The following TBC1D8 variants were observed in gnomAD, a reference collection of about 807,000 sequenced individuals.
The protein encoded by TBC1D8 is BUB2-like protein 1.
In TBC1D8, 65 loss-of-function variants were observed where a neutral mutation model predicts 118.8. The observed-to-expected ratio is 0.55, with a 90% confidence interval of 0.45 to 0.67. The LOEUF is 0.67. Ranked by LOEUF, TBC1D8 falls within the 30% of genes least tolerant of loss-of-function variation. TBC1D8 has a pLI of 0.00. For synonymous variants in TBC1D8, 566 were observed against 595.8 expected, an observed-to-expected ratio of 0.95 and a Z score of 0.73; for missense variants, 1,376 against 1,471.2, an observed-to-expected ratio of 0.94 and a Z score of 1.06.
At chr2:101,090,029 G>A (rs1253765732) in intron 2 of TBC1D8, among the ~76,000 whole-genome samples, 180 bp downstream of exon 2, 1 of 150,342 alleles carries the variant, frequency 6.7e-6, no homozygotes, top group Non-Finnish European at 1.5e-5. Flanking sequence ...GAGGAGGGCA[G>A]GGGAGAGGAG....
intron 1 of TBC1D8, chr2:101,109,852 T>A (rs926524791): frequency 1.3e-5 from 13 of 985,464 alleles, no homozygotes; most frequent in Non-Finnish European, 1.6e-5. Flanking sequence ...TCCATCTACA[T>A]TCAGACTGAC....
At chr2:101,079,902 G>T (rs540808796) in intron 2 of TBC1D8, among the ~76,000 whole-genome samples, 3 of 151,824 alleles carry the variant, frequency 2.0e-5, no homozygotes, top group South Asian at 2.1e-4. Context: ...TAGCTAGGAC[G>T]GTCTCGATCT....
At chr2:101,108,291 A>G (rs1427475429) in intron 1 of TBC1D8, among the ~76,000 whole-genome samples, 2 of 152,190 alleles carry the variant, frequency 1.3e-5, no homozygotes, top group Non-Finnish European at 2.9e-5. Context: ...CAAAACAGGG[A>G]AAGTCTGAGA....
At chr2:101,016,146 A>G (rs1395884245) in intron 17 of TBC1D8, among the ~76,000 whole-genome samples, 2 of 152,208 alleles carry the variant, frequency 1.3e-5, no homozygotes, top group Admixed American at 6.5e-5. Context: ...AATCTTCAAA[A>G]TGGGAGAAAA....
intron 1 of TBC1D8, among the ~76,000 whole-genome samples, chr2:101,133,749 T>C (rs981537087): frequency 3.3e-5 from 5 of 152,296 alleles, no homozygotes; most frequent in Middle Eastern, 3.4e-3. Flanking sequence ...ATTTTCACTC[T>C]GCTATTAATA....
intron 2 of TBC1D8, among the ~76,000 whole-genome samples, chr2:101,082,873 C>T (rs556897021): frequency 2.6e-5 from 4 of 152,128 alleles, no homozygotes; most frequent in African/African-American, 9.6e-5. Context: ...TACCATTCTG[C>T]GAATGTACTT....
rs191624320 is a variant in TBC1D8 at position 101,103,639 on chromosome 2, G to A, written c.128-13275C>T. 2.4e-3 allele frequency among the ~76,000 whole-genome samples: 362 copies of A among 152,084 alleles called. 1 individual carries two copies. The highest frequency in any genetic ancestry group is 3.3e-3 in the Non-Finnish European group (226 of 68,000). On this transcript the variant is annotated intron_variant, in intron 1 of 19. Transcript: ENST00000409318. ...GATCTCCTGACCTCATGATCCGCCCGCCTTGGCCTCCCAAAGTGCTGGGAT... is the reference window on the plus strand; with the variant it reads ...GATCTCCTGACCTCATGATCCGCCCACCTTGGCCTCCCAAAGTGCTGGGAT...
chr2:101,108,086 G>T (rs1363777333), intron 1 of TBC1D8, among the ~76,000 whole-genome samples: 2 of 151,414 alleles, frequency 1.3e-5, no homozygotes, highest in African/African-American at 4.9e-5. Flanking sequence ...AGAGGGGAGT[G>T]GGGGGAGGGA....
chr2:101,087,550 G>A (rs1675720728), intron 2 of TBC1D8, among the ~76,000 whole-genome samples: 1 of 151,644 alleles, frequency 6.6e-6, no homozygotes, highest in Non-Finnish European at 1.5e-5. Flanking sequence ...GGCTGAGGCA[G>A]GAGAATCACT....
At chr2:101,070,533 C>T (rs1236076783) in intron 2 of TBC1D8, among the ~76,000 whole-genome samples, 1 of 152,028 alleles carries the variant, frequency 6.6e-6, no homozygotes, top group Admixed American at 6.6e-5. Flanking sequence ...CTGCCTCAGC[C>T]TCCCTAGGAG....
chr2:101,095,958 T>G (rs780156493), intron 1 of TBC1D8, among the ~76,000 whole-genome samples: 2 of 152,118 alleles, frequency 1.3e-5, no homozygotes, highest in African/African-American at 2.4e-5. Context: ...TATAGAACTC[T>G]TCCCCTCCCC....
Position 101,033,726 on chromosome 2 carries a change from A to C in TBC1D8, c.1636T>G (p.Tyr546Asp). ...AVTDLASHPG[Y>D]YGNLVEESLG... ...GACTCCTCCACCAGATTCCCGTAGT[A>C]ACCAGGGTGTGAGGCAAGATCCGTC... The change falls in exon 10 of 20, where the codon TAC becomes GAC. Residue 546 changes from tyrosine to aspartate, a missense_variant. Tyr to Asp is a radical substitution (Grantham distance 160, BLOSUM62 -3). Coordinates refer to ENST00000409318, the MANE Select transcript of TBC1D8 (RefSeq NM_001330348.2). 1 of 1,613,772 alleles carries C rather than the reference A, an allele frequency of 6.2e-7. No individual in the cohort carries two copies. Among genetic ancestry groups the C allele is most frequent in the Non-Finnish European group, 8.5e-7 (1 of 1,179,738 alleles).
At chr2:101,014,094 A>G (rs1218767035) in intron 17 of TBC1D8, among the ~76,000 whole-genome samples, 1 of 152,172 alleles carries the variant, frequency 6.6e-6, no homozygotes, top group East Asian at 1.9e-4. Flanking sequence ...CATACATCCA[A>G]TTTCTTAGTG....
chr2:101,054,680 T>G (rs1350098730), intron 3 of TBC1D8, among the ~76,000 whole-genome samples: 2 of 124,816 alleles, frequency 1.6e-5, no homozygotes, highest in South Asian at 2.9e-4. Context: ...TTCTTTTTTT[T>G]TTTTTTTTTT....
In TBC1D8 at chr2:101,090,196, G is replaced by C; in HGVS notation, c.283+13C>G. ...CTTAAGGTTTGGAACATTCCAACTG[G>C]AACAAAACTCACCAGTGGCTATGGC... On this transcript the variant is annotated intron_variant, in intron 2 of 19. Coordinates refer to ENST00000409318, the MANE Select transcript of TBC1D8 (RefSeq NM_001330348.2). The C allele has an allele frequency of 6.2e-7, 1 of 1,608,468 alleles. No individual in the cohort carries two copies. The highest frequency in any genetic ancestry group is 2.2e-5 in the East Asian group (1 of 44,640).
intron 8 of TBC1D8, among the ~76,000 whole-genome samples, chr2:101,037,049 C>T (rs1022735831): frequency 3.9e-5 from 6 of 152,216 alleles, no homozygotes; most frequent in African/African-American, 1.4e-4. Flanking sequence ...AGCACAACTT[C>T]CAGTATCTTT....
chr2:101,037,648 T>C lies in TBC1D8; in HGVS notation c.1336A>G (p.Met446Val), dbSNP rs140112002. 272 of 1,613,924 alleles carry C rather than the reference T, an allele frequency of 1.7e-4. 1 individual carries two copies. The East Asian group carries it at 5.8e-3, about 34-fold the overall frequency. The change falls in exon 8 of 20, where the codon ATG (methionine) becomes GTG (valine). Residue 446 changes from methionine (M) to valine (V), a missense_variant. Physicochemically the swap from Met to Val is conservative, Grantham distance 21. Coordinates refer to ENST00000409318, the MANE Select transcript of TBC1D8 (RefSeq NM_001330348.2). ...TCCTCGCTATTTTGAGAAGACATCA[T>C]TTCAAGATCCCCAAATCTGTGGTCA... Reference protein sequence around the residue: ...CSDHRFGDLEMMSSQNSEESE... With the variant: ...CSDHRFGDLEVMSSQNSEESE...
At chr2:101,146,350 C>T (rs957217883) in intron 1 of TBC1D8, among the ~76,000 whole-genome samples, 2 of 152,194 alleles carry the variant, frequency 1.3e-5, no homozygotes, top group Non-Finnish European at 2.9e-5. Flanking sequence ...TTTAGGTAAT[C>T]AGCCCATCAC....
intron 17 of TBC1D8, chr2:101,018,136 G>C (rs1378822075): frequency 7.7e-6 from 4 of 519,248 alleles, no homozygotes; most frequent in Non-Finnish European, 1.4e-5. Flanking sequence ...GAATAACAAA[G>C]CTTTCCCTCA....
Sources: gnomAD v4.1 joint callset for allele counts (sites outside exome capture counted in the v4.1 genomes callset) on GRCh38, gnomAD v4.1.1 for gene constraint, MANE v1.5 for transcripts, NCBI Gene and HGNC (gene_info 2026-07-23, HGNC 2026-07-21) for gene names.